LOXL3: variants seen among roughly 807,000 people sequenced by gnomAD.
LOXL3 encodes the protein lysyl oxidase homolog 3.
A neutral mutation model predicts 91.8 loss-of-function variants in LOXL3; 60 were observed. That is an observed-to-expected ratio of 0.65 (90% CI 0.53 to 0.81). The LOEUF (loss-of-function observed/expected upper bound fraction) is 0.81, where lower values mean the gene tolerates loss of function less well. Ranked by LOEUF, LOXL3 falls within the 30% of genes least tolerant of loss-of-function variation. The pLI, the probability that LOXL3 is intolerant of heterozygous loss-of-function variation, is 0.00. For synonymous variants in LOXL3, 355 were observed against 387.6 expected (o/e 0.92, Z 0.99); for missense variants, 874 against 1,000.4 (o/e 0.87, Z 1.70).
Position 74,534,211 on chromosome 2 carries a change from G to C in LOXL3, c.1965C>G (p.Ala655=). ...QEDVSKRYEC[A]NFGEQGITVG... Reference sequence around the variant, plus strand: ...CAGTGATGCCTTGCTCTCCAAAGTTGGCACACTCATACCGCTTGGAGACAT... The same window carrying C: ...CAGTGATGCCTTGCTCTCCAAAGTTCGCACACTCATACCGCTTGGAGACAT... The change falls in exon 12 of 14, where the codon GCC becomes GCG. Residue 655 remains alanine, a synonymous_variant. Coordinates refer to ENST00000264094, the MANE Select transcript of LOXL3 (RefSeq NM_032603.5). The C allele has an allele frequency of 6.2e-7, 1 of 1,614,142 alleles. No individual in the cohort carries two copies. Among genetic ancestry groups the C allele is most frequent in the Middle Eastern group, 1.6e-4 (1 of 6,062 alleles).
At chr2:74,537,847 A>T (rs1216435295) in intron 4 of LOXL3, among the ~76,000 whole-genome samples, 1 of 152,208 alleles carries the variant, frequency 6.6e-6, no homozygotes, top group South Asian at 2.1e-4. Context: ...AGAGTGAAGT[A>T]CACTCTGCCC....
At position 74,532,763 on chromosome 2, in the gene LOXL3, T is replaced by G. The variant is rs937784523; in HGVS notation, c.*843A>C. ...TATGGGGATGGGCAAGGTGTGCATG[T>G]GTCCTTGAACTAGGCTTTGTACTCC... On this transcript the variant is annotated 3_prime_UTR_variant, in exon 14 of 14. Transcript: ENST00000264094. The G allele has an allele frequency of 6.2e-7, 1 of 1,612,444 alleles. No homozygotes were observed. The highest frequency in any genetic ancestry group is 8.5e-7 in the Non-Finnish European group (1 of 1,178,508).
At chr2:74,553,677 C>A (rs909653904) in intron 1 of LOXL3, among the ~76,000 whole-genome samples, 199 bp downstream of exon 1, 3 of 152,220 alleles carry the variant, frequency 2.0e-5, no homozygotes, top group African/African-American at 7.2e-5. Flanking sequence ...CCTGGCGGCC[C>A]TGTTCGAACA....
chr2:74,536,214 C>T lies in LOXL3; in HGVS notation c.1094-64G>A. On this transcript the variant is annotated intron_variant, in intron 6 of 13. Transcript: ENST00000264094. This position sits in a 1 kb window ranked among gnomAD's most constrained non-coding sequence, Gnocchi z 4.5. Reference sequence around the variant, plus strand: ...GCATATATTGTCTGCCCAGGGGACACCTAACCTTCCGAAGGAATATGCCCC... The same window carrying T: ...GCATATATTGTCTGCCCAGGGGACATCTAACCTTCCGAAGGAATATGCCCC... 8 of 1,611,818 alleles carry T rather than the reference C, an allele frequency of 5.0e-6. No individual in the cohort carries two copies. The highest frequency in any genetic ancestry group is 5.1e-6 in the Non-Finnish European group (6 of 1,179,680).
rs774027892 is a variant in LOXL3, at chr2:74,536,497, G to A, written c.913-26C>T. 5 of 1,600,688 alleles carry A rather than the reference G, an allele frequency of 3.1e-6. No homozygotes were observed. In the African/African-American group the frequency reaches 6.7e-5, roughly 21 times the overall value. On this transcript the variant is annotated intron_variant, in intron 5 of 13. Transcript: ENST00000264094. The surrounding 1 kb of genome is among the most constrained non-coding windows in gnomAD (Gnocchi z 4.5). ...CTATAGAAGAGAGAAGTGCCCAACA[G>A]AGGCAAATGGCAACATCTGCACGGA...
chr2:74,554,725 C>CAGGAAGCGCGGA, upstream of LOXL3: 1 of 1,611,106 alleles, frequency 6.2e-7, no homozygotes, highest in Non-Finnish European at 8.5e-7. This position sits in a 1 kb window ranked among gnomAD's most constrained non-coding sequence, Gnocchi z 4.9. Context: ...GCCGCAGGGC[C>CAGGAAGCGCGGA]AGGAAGCGCG....
rs1349920719 is a variant in LOXL3 at position 74,552,515 on chromosome 2, CT to C, written c.119del (p.Gln40ArgfsTer73). ...STGPEKKAGSQGLRFRLAGFP... is the reference protein window; with the variant it reads ...STGPEKKAGSXGLRFRLAGFP... The stretch of plus-strand genomic sequence containing the variant: ...AGCCAGCCAGCCGGAACCGAAGCCC[CT>C]GGCTCCCGGCCTTCTTCTCAGGGCC... On this transcript the variant is annotated frameshift_variant, in exon 2 of 14. Coordinates refer to ENST00000264094, the MANE Select transcript of LOXL3 (RefSeq NM_032603.5). LOFTEE classifies it high-confidence loss of function. The C allele has an allele frequency of 2.5e-6, 4 of 1,613,418 alleles. No homozygotes were observed. In the African/African-American group the frequency reaches 4.0e-5, roughly 16 times the overall value.
At position 74,532,520 on chromosome 2, in the gene LOXL3, T is replaced by C; in HGVS notation, c.*1086A>G. The C allele has an allele frequency of 1.1e-6, 1 of 897,814 alleles. No individual in the cohort carries two copies. Among genetic ancestry groups the C allele is most frequent in the Admixed American group, 2.0e-5 (1 of 51,126 alleles). 55.6% of individuals were successfully genotyped at this position (897,814 alleles called of 1,614,324 possible). A position where few individuals can be genotyped will look rare whatever the true frequency, so the allele number is the denominator to read the frequency against. ...TTTGTAGTACCTAGCCCATGTCCTG[T>C]CCATATATTTATCAATGTGTTGATG... On this transcript the variant is annotated 3_prime_UTR_variant, in exon 14 of 14. Transcript: ENST00000264094.
chr2:74,542,176 C>A (rs551844362), intron 4 of LOXL3, among the ~76,000 whole-genome samples: 3 of 152,110 alleles, frequency 2.0e-5, no homozygotes, highest in Non-Finnish European at 2.9e-5. Flanking sequence ...GCCTGTAGTT[C>A]CAGCTACTCA....
chr2:74,542,049 T>C (rs919854684), intron 4 of LOXL3, among the ~76,000 whole-genome samples: 1 of 152,196 alleles, frequency 6.6e-6, no homozygotes, highest in African/African-American at 2.4e-5. Flanking sequence ...TCCCAGCACT[T>C]TGGGAGGCTG....
In LOXL3 at chr2:74,536,411, C is replaced by G. The variant is rs1372808477; in HGVS notation, c.973G>C (p.Ala325Pro). 1 of 1,614,068 alleles carries G rather than the reference C, an allele frequency of 6.2e-7. No individual in the cohort carries two copies. The highest frequency in any genetic ancestry group is 8.5e-7 in the Non-Finnish European group (1 of 1,180,040). The change falls in exon 6 of 14, where the codon GCC becomes CCC. Residue 325 changes from alanine (A) to proline (P), a missense_variant. Ala to Pro is a conservative substitution (Grantham distance 27). Coordinates refer to ENST00000264094, the MANE Select transcript of LOXL3 (RefSeq NM_032603.5). The surrounding 1 kb of genome is among the most constrained non-coding windows in gnomAD (Gnocchi z 4.5). ...PGEGRVEVLK[A>P]STWGTVCDRK... ...TCACAGACTGTGCCCCATGTGCTGG[C>G]CTTCAGGACTTCTACCCGGCCCTCT...
upstream of LOXL3, chr2:74,555,092 C>A (rs1379743305): frequency 2.0e-5 from 31 of 1,542,450 alleles, no homozygotes; most frequent in East Asian, 2.3e-5. This position sits in a 1 kb window ranked among gnomAD's most constrained non-coding sequence, Gnocchi z 6.1. Flanking sequence ...CCTCCTTCCC[C>A]GTCGGGACCC....
upstream of LOXL3, chr2:74,554,426 T>C (rs1236631532): frequency 5.3e-6 from 2 of 377,466 alleles, no homozygotes; most frequent in African/African-American, 2.2e-5. The surrounding 1 kb of genome is among the most constrained non-coding windows in gnomAD (Gnocchi z 4.9). Context: ...TGTCATGGCT[T>C]TCACTCTGAC....
At chr2:74,553,573 C>A (rs994863860) in intron 1 of LOXL3, among the ~76,000 whole-genome samples, 3 of 152,226 alleles carry the variant, frequency 2.0e-5, no homozygotes, top group South Asian at 2.1e-4. Context: ...CATGCTTCCC[C>A]CAACCCAAAC....
intron 4 of LOXL3, among the ~76,000 whole-genome samples, chr2:74,542,772 G>A (rs1471567873): frequency 2.0e-5 from 3 of 151,814 alleles, no homozygotes; most frequent in Non-Finnish European, 4.4e-5. Context: ...TTACAGGCAC[G>A]CACCACCACA....
chr2:74,542,015 AG>A (rs1676350042), intron 4 of LOXL3, among the ~76,000 whole-genome samples: 1 of 152,188 alleles, frequency 6.6e-6, no homozygotes, highest in African/African-American at 2.4e-5. Flanking sequence ...TATGTAGGCC[AG>A]GGGCAGCGGC....
chr2:74,554,471 C>T (rs578125385), upstream of LOXL3: 5 of 515,750 alleles, frequency 9.7e-6, no homozygotes, highest in East Asian at 1.7e-4. This position sits in a 1 kb window ranked among gnomAD's most constrained non-coding sequence, Gnocchi z 4.9. Flanking sequence ...GCGCAGCCAC[C>T]ACGCCCAGAG....
chr2:74,535,997 C>A lies in LOXL3; in HGVS notation c.1247G>T (p.Arg416Met). Reference protein sequence around the residue: ...CNLPYTGAETRIRLSGGRSQH... With the variant: ...CNLPYTGAETMIRLSGGRSQH... ...ACCAAGGTAGAGAGGATGACTGACC[C>A]TGGTCTCTGCCCCAGTGTAAGGTAG... Residue 416 changes from arginine (R) to methionine (M), a missense_variant and splice_region_variant, in exon 7 of 14, where the codon AGG (arginine) becomes ATG (methionine). Transcript: ENST00000264094. This position sits in a 1 kb window ranked among gnomAD's most constrained non-coding sequence, Gnocchi z 4.2. 2 of 1,568,688 alleles carry A rather than the reference C, an allele frequency of 1.3e-6. No homozygotes were observed. The highest frequency in any genetic ancestry group is 1.2e-5 in the South Asian group (1 of 82,366).
chr2:74,548,016 C>T (rs991845305), intron 4 of LOXL3, among the ~76,000 whole-genome samples: 4 of 152,158 alleles, frequency 2.6e-5, no homozygotes, highest in Non-Finnish European at 5.9e-5. Flanking sequence ...CTGTTTCTTC[C>T]CAGTTGGTGG....
Sources: allele counts gnomAD v4.1 joint callset (sites outside exome capture counted in the v4.1 genomes callset), GRCh38; gene constraint gnomAD v4.1.1; non-coding constraint Gnocchi (gnomAD v3.1); transcripts MANE v1.5; gene names NCBI Gene and HGNC (gene_info 2026-07-23, HGNC 2026-07-21).